BAIAP2L2: variants seen among roughly 807,000 people sequenced by gnomAD.
BAIAP2L2 encodes the protein BAR/IMD domain containing adaptor protein 2 like 2, also known as BAR/IMD domain-containing adapter protein 2-like 2.
Under a neutral mutation model 60.4 loss-of-function variants are expected in BAIAP2L2, and 65 were observed. The ratio of observed to expected loss-of-function variants is 1.08; its 90% CI spans 0.88 to 1.32. The LOEUF (loss-of-function observed/expected upper bound fraction) is 1.32, where lower values mean the gene tolerates loss of function less well. Among genes scored for constraint, BAIAP2L2 ranks in the 40% most tolerant of loss-of-function variants. BAIAP2L2 has a pLI of 0.00. For synonymous variants in BAIAP2L2, 344 were observed against 301.7 expected, an observed-to-expected ratio of 1.14 and a Z score of -1.45; for missense variants, 836 against 741.2, an observed-to-expected ratio of 1.13 and a Z score of -1.48.
chr22:38,085,592 TC>T, intron 13 of BAIAP2L2, 93 bp downstream of exon 13: 1 of 1,453,032 alleles, frequency 6.9e-7, no homozygotes, highest in South Asian at 1.2e-5. Flanking sequence ...CAAGAGATCC[TC>T]CTGCCCCAGT....
intron 4 of BAIAP2L2, among the ~76,000 whole-genome samples, chr22:38,103,915 T>C (rs1408781938): frequency 6.6e-6 from 1 of 150,800 alleles, no homozygotes; most frequent in Non-Finnish European, 1.5e-5. Flanking sequence ...CATTTTCAAC[T>C]TCAGTAAACG....
chr22:38,086,162 C>G (rs1052407908), intron 12 of BAIAP2L2, 80 bp downstream of exon 12: 5 of 1,453,858 alleles, frequency 3.4e-6, no homozygotes, highest in African/African-American at 1.4e-5. Flanking sequence ...GCCAGACAGC[C>G]GGTGACAGAG....
rs5756912 is a variant in BAIAP2L2 at position 38,095,469 on chromosome 22, A to G, written c.612+1563T>C. On this transcript the variant is annotated intron_variant, in intron 7 of 13. Transcript: ENST00000381669. ...AACTTCTGCCTCCCAGGTTCAAGCA[A>G]TGCTCCTGCCTCAGCCTCCTGAGTA... Among the ~76,000 whole-genome samples the G allele has an allele frequency of 6.1e-3, 934 of 152,148 alleles. 42 individuals carry two copies. The East Asian group carries it at 0.1, about 17-fold the overall frequency.
chr22:38,088,012 A>T (rs2086151485), intron 10 of BAIAP2L2, among the ~76,000 whole-genome samples: 1 of 151,238 alleles, frequency 6.6e-6, no homozygotes, highest in Non-Finnish European at 1.5e-5. Context: ...CCACTCATCC[A>T]TCCGTGGGCT....
In BAIAP2L2 at chr22:38,088,855, C is replaced by T. The variant is rs1260161985; in HGVS notation, c.1011G>A (p.Glu337=). ...AGCGCAGCAGCGTGTGGTTGGCGCCCTCCGAGTGGGAGACCAGGGCGCGGA... is the reference window on the plus strand; with the variant it reads ...AGCGCAGCAGCGTGTGGTTGGCGCCTTCCGAGTGGGAGACCAGGGCGCGGA... ...RRVRALVSHS[E]GANHTLLRFS... The change falls in exon 10 of 14, where the codon GAG becomes GAA. Residue 337 remains glutamate, a synonymous_variant. Coordinates refer to ENST00000381669, the MANE Select transcript of BAIAP2L2 (RefSeq NM_025045.6). 1 of 1,596,780 alleles carries T rather than the reference C, an allele frequency of 6.3e-7. No individual in the cohort carries two copies.
In BAIAP2L2 at chr22:38,107,808, C is replaced by CT. The variant is rs778044208; in HGVS notation, c.276+43dup. 2.7e-5 allele frequency: 43 copies of CT among 1,586,372 alleles called. No individual in the cohort carries two copies. In the African/African-American group the frequency reaches 5.2e-4, roughly 19 times the overall value. ...GGCCCTCTCCTTGGAACATAGCCCA[C>CT]TTTCCTCGAGTGACCCCTCCAGGCC... On this transcript the variant is annotated intron_variant, in intron 4 of 13. Transcript: ENST00000381669.
intron 4 of BAIAP2L2, among the ~76,000 whole-genome samples, chr22:38,105,502 C>T (rs778924017): frequency 1.2e-4 from 18 of 151,898 alleles, no homozygotes; most frequent in Non-Finnish European, 2.2e-4. Context: ...ACCACATGCG[C>T]GGCTAATTTT....
chr22:38,110,799 A>G (rs1602046459), upstream of BAIAP2L2: 1 of 465,886 alleles, frequency 2.1e-6, no homozygotes, highest in Middle Eastern at 5.6e-4. Context: ...TCAATTATTC[A>G]CCCCTTGGAG....
intron 4 of BAIAP2L2, among the ~76,000 whole-genome samples, chr22:38,103,907 T>C (rs150708585): frequency 6.7e-6 from 1 of 149,998 alleles, no homozygotes. Context: ...AAATAGGACA[T>C]TTTCAACTTC....
At chr22:38,099,046 G>A (rs2086509886) in intron 4 of BAIAP2L2, among the ~76,000 whole-genome samples, 1 of 152,246 alleles carries the variant, frequency 6.6e-6, no homozygotes, top group Non-Finnish European at 1.5e-5. Flanking sequence ...AAGCTGTTGA[G>A]GTCTCAGATG....
chr22:38,110,150 G>GA (rs2086807545), intron 1 of BAIAP2L2, among the ~76,000 whole-genome samples: 16 of 30,458 alleles, frequency 5.3e-4, no homozygotes, highest in South Asian at 1.3e-3. Context: ...AGAGAGAGAG[G>GA]GAGAGACAGA....
Position 38,089,654 on chromosome 22 carries a change from G to A in BAIAP2L2, c.633C>T (p.Asn211=), listed in dbSNP as rs2086232312. The change falls in exon 8 of 14, where the codon AAC becomes AAT. Residue 211 remains asparagine (N), a synonymous_variant. Transcript: ENST00000381669. ...ACTGCTCCTTCCACAGCAGCACGCG[G>A]TTCTGGAGCATCCCCCGGGCCTGGC... ...FFGRARGMLQ[N]RVLLWKEQSE... is the part of the protein sequence containing the mutation. The A allele has an allele frequency of 2.4e-6, 3 of 1,230,980 alleles. No individual in the cohort carries two copies. In the South Asian group the frequency reaches 1.2e-4, roughly 50 times the overall value. 76.3% of individuals were successfully genotyped at this position (1,230,980 alleles called of 1,614,324 possible).
In BAIAP2L2 at chr22:38,088,748, G is replaced by A. The variant is rs201879183; in HGVS notation, c.1118C>T (p.Ala373Val). The part of the protein sequence containing the change: ...WLYGKLEGSS[A>V]SGWFPEAYVK... The stretch of plus-strand genomic sequence containing the variant: ...CGGCCCCTCCAAGGCTCCCACTCAC[G>A]CGGACGAGCCCTCCAGCTTGCCGTA... The change falls in exon 10 of 14, where the codon GCG (alanine) becomes GTG (valine). Residue 373 changes from alanine to valine, a missense_variant and splice_region_variant. By Grantham distance (64) the Ala-to-Val change is moderately conservative. Transcript: ENST00000381669. 2.1e-4 allele frequency: 334 copies of A among 1,592,734 alleles called. No individual in the cohort carries two copies. In the African/African-American group the frequency reaches 3.7e-3, roughly 18 times the overall value.
rs1301507887 is a variant in BAIAP2L2, at chr22:38,085,711, A to ACTG, written c.1486_1488dup (p.Gln496dup). 5.0e-6 allele frequency: 8 copies of ACTG among 1,610,936 alleles called. No homozygotes were observed. The highest frequency in any genetic ancestry group is 1.3e-5 in the African/African-American group (1 of 74,800). On this transcript the variant is annotated inframe_insertion, in exon 13 of 14. Coordinates refer to ENST00000381669, the MANE Select transcript of BAIAP2L2 (RefSeq NM_025045.6). The stretch of plus-strand genomic sequence containing the variant: ...CTCGGGAAGAGCTCCTGTGGTGGGT[A>ACTG]CTGCTCTGAGGACATCAGTTTCTGC...
chr22:38,094,690 G>T (rs2086385724), intron 7 of BAIAP2L2, among the ~76,000 whole-genome samples: 1 of 152,202 alleles, frequency 6.6e-6, no homozygotes, highest in African/African-American at 2.4e-5. Flanking sequence ...GATAGCAGGG[G>T]ACGAGAAGGC....
At position 38,085,024 on chromosome 22, in the gene BAIAP2L2, G is replaced by T. The variant is rs2086010551; in HGVS notation, c.*276C>A. ...GCAGAAAAGGGGGAAAGAGGTTAGG[G>T]GGCAAGAGGTGGGCCCCCCAGGGAG... On this transcript the variant is annotated 3_prime_UTR_variant, in exon 14 of 14. Coordinates refer to ENST00000381669, the MANE Select transcript of BAIAP2L2 (RefSeq NM_025045.6). 1.2e-5 allele frequency: 5 copies of T among 432,216 alleles called. No individual in the cohort carries two copies. In the South Asian group the frequency reaches 1.3e-4, roughly 11 times the overall value. The allele number at this position is 432,216 out of a possible 1,614,324, so 26.8% of individuals were successfully genotyped here. A position where few individuals can be genotyped will look rare whatever the true frequency, so the allele number is the denominator to read the frequency against.
chr22:38,098,016 T>TCCAG, intron 6 of BAIAP2L2, 47 bp downstream of exon 6: 4 of 789,068 alleles, frequency 5.1e-6, no homozygotes, highest in East Asian at 6.3e-5. Context: ...CCCCGAGGTC[T>TCCAG]GCCCACCCGC....
rs534150138 is a variant in BAIAP2L2 at position 38,089,198 on chromosome 22, G to C, written c.799C>G (p.Arg267Gly). The C allele has an allele frequency of 1.1e-5, 14 of 1,282,162 alleles. No homozygotes were observed. The highest frequency in any genetic ancestry group is 7.8e-5 in the African/African-American group (5 of 63,832). The allele number at this position is 1,282,162 out of a possible 1,614,324, so 79.4% of individuals were successfully genotyped here. ...TAGGAGCCGGAGCCGTGCCGGCTGC[G>C]GGGGGAGCTGAACTCTCCCAGGGGC... ...PRPLGEFSSPRSRHGSGSYGT... is the reference protein window; with the variant it reads ...PRPLGEFSSPGSRHGSGSYGT... The change falls in exon 9 of 14, where the codon CGC (arginine) becomes GGC (glycine). Residue 267 changes from arginine (R) to glycine (G), a missense_variant. Arg to Gly is a moderately radical substitution (Grantham distance 125). Transcript: ENST00000381669.
At chr22:38,102,021 C>G (rs1415750894) in intron 4 of BAIAP2L2, among the ~76,000 whole-genome samples, 2 of 152,112 alleles carry the variant, frequency 1.3e-5, no homozygotes, top group Non-Finnish European at 2.9e-5. Flanking sequence ...GTGGATGGAG[C>G]AGTGGGAGGT....
Sources: allele counts gnomAD v4.1 joint callset (sites outside exome capture counted in the v4.1 genomes callset), GRCh38; gene constraint gnomAD v4.1.1; transcripts MANE v1.5; gene names NCBI Gene and HGNC (gene_info 2026-07-23, HGNC 2026-07-21).